The following CPEB4 variants were observed in gnomAD, a reference collection of about 807,000 sequenced individuals.
CPEB4 encodes the protein cytoplasmic polyadenylation element binding protein 4.
In CPEB4, 12 loss-of-function variants were observed where a neutral mutation model predicts 72.5. The ratio of observed to expected loss-of-function variants is 0.17; its 90% CI spans 0.11 to 0.27. The LOEUF (loss-of-function observed/expected upper bound fraction) is 0.27. CPEB4 is among the 10% of genes least tolerant of loss of function. CPEB4 has a pLI of 1.00. For synonymous variants in CPEB4, 302 were observed against 326.3 expected, an observed-to-expected ratio of 0.93 and a Z score of 0.80; for missense variants, 614 against 908.5, an observed-to-expected ratio of 0.68 and a Z score of 4.17.
chr5:173,939,419 T>C (rs1054934271), intron 3 of CPEB4, among the ~76,000 whole-genome samples: 5 of 152,220 alleles, frequency 3.3e-5, no homozygotes, highest in African/African-American at 1.2e-4. Context: ...GTGGGTACTT[T>C]GTTTCTTTTT....
chr5:173,937,112 G>A (rs112717429), intron 3 of CPEB4, among the ~76,000 whole-genome samples: 3 of 147,060 alleles, frequency 2.0e-5, no homozygotes, highest in African/African-American at 7.6e-5. Context: ...GCTCCATCTC[G>A]GCTCACTGTA....
intron 1 of CPEB4, among the ~76,000 whole-genome samples, chr5:173,909,772 G>A (rs753797249): frequency 6.6e-6 from 1 of 152,034 alleles, no homozygotes; most frequent in Non-Finnish European, 1.5e-5. Flanking sequence ...GGCTAGGCAG[G>A]TGGATCCTTT....
intron 2 of CPEB4, among the ~76,000 whole-genome samples, chr5:173,912,614 T>C (rs1348098412): frequency 6.6e-6 from 1 of 150,622 alleles, no homozygotes; most frequent in Non-Finnish European, 1.5e-5. Context: ...CCTGTCTTTA[T>C]ATAATAAAAT....
Position 173,890,599 on chromosome 5 carries a change from A to G in CPEB4, c.866A>G (p.Gln289Arg). The G allele has an allele frequency of 6.2e-7, 1 of 1,614,092 alleles. No homozygotes were observed. Among genetic ancestry groups the G allele is most frequent in the Non-Finnish European group, 8.5e-7 (1 of 1,179,984 alleles). Residue 289 changes from glutamine (Q) to arginine (R), a missense_variant, in exon 1 of 10, where the codon CAG becomes CGG. Around this residue, in one of 5 missense-constraint regions of CPEB4, gnomAD observed 458 missense variants for 548.6 expected, o/e 0.83. Coordinates refer to ENST00000265085, the MANE Select transcript of CPEB4 (RefSeq NM_030627.4). The stretch of plus-strand genomic sequence containing the variant: ...CCCCCCTCTCCGTGGAGCAGCTACC[A>G]GAGTCCGTCACCAACACCCTCCTCT... Reference protein sequence around the residue: ...NKPPSPWSSYQSPSPTPSSSW... With the variant: ...NKPPSPWSSYRSPSPTPSSSW...
chr5:173,945,467 T>C (rs943088145), intron 5 of CPEB4, among the ~76,000 whole-genome samples: 3 of 146,612 alleles, frequency 2.0e-5, no homozygotes, highest in Non-Finnish European at 3.1e-5. Context: ...GACAAATTCA[T>C]TGATGTATTT....
rs569350193 is a variant in CPEB4 at position 173,960,823 on chromosome 5, T to G, written c.*4686T>G. Reference sequence around the variant, plus strand: ...GACCTTAATGTCATAGGATACGGTGTGTGGGATTATAATCTCTATGGCATG... The same window carrying G: ...GACCTTAATGTCATAGGATACGGTGGGTGGGATTATAATCTCTATGGCATG... On this transcript the variant is annotated 3_prime_UTR_variant, in exon 10 of 10. Transcript: ENST00000265085. 7.9e-5 allele frequency: 12 copies of G among 152,318 alleles called. No homozygotes were observed. Among genetic ancestry groups the G allele is most frequent in the African/African-American group, 2.6e-4 (11 of 41,574 alleles). 9.4% of individuals were successfully genotyped at this position (152,318 alleles called of 1,614,324 possible). A position where few individuals can be genotyped will look rare whatever the true frequency, so the allele number is the denominator to read the frequency against.
chr5:173,907,578 T>C (rs1057212615), intron 1 of CPEB4, among the ~76,000 whole-genome samples: 4 of 152,134 alleles, frequency 2.6e-5, no homozygotes, highest in Non-Finnish European at 5.9e-5. Flanking sequence ...GGGGGAAATA[T>C]AAAGACAAAT....
At chr5:173,930,044 C>G (rs1488586646) in intron 2 of CPEB4, among the ~76,000 whole-genome samples, 10 of 151,706 alleles carry the variant, frequency 6.6e-5, no homozygotes, top group Non-Finnish European at 1.3e-4. Flanking sequence ...GTACTCTGTT[C>G]CCACCTCCCA....
chr5:173,954,467 G>A (rs780158007), intron 9 of CPEB4, among the ~76,000 whole-genome samples: 1 of 151,782 alleles, frequency 6.6e-6, no homozygotes, highest in Non-Finnish European at 1.5e-5. Flanking sequence ...CTGCCTCCCG[G>A]GTTCAAGTGA....
Position 173,955,353 on chromosome 5 carries a change from T to A in CPEB4, c.1963-557T>A, listed in dbSNP as rs1403340753. Among the ~76,000 whole-genome samples the A allele has an allele frequency of 6.6e-5, 10 of 151,708 alleles. No homozygotes were observed. Among genetic ancestry groups the A allele is most frequent in the Non-Finnish European group, 1.3e-4 (9 of 67,948 alleles). On this transcript the variant is annotated intron_variant, in intron 9 of 9. Coordinates refer to ENST00000265085, the MANE Select transcript of CPEB4 (RefSeq NM_030627.4). This position sits in a 1 kb window ranked among gnomAD's most constrained non-coding sequence, Gnocchi z 4.7. ...ATGGCTGCATCTTTTTTTTTTTTTT[T>A]AACAGAGTTCCAGGTTTGTGATTAT...
intron 2 of CPEB4, among the ~76,000 whole-genome samples, chr5:173,911,134 G>A: frequency 6.6e-6 from 1 of 152,072 alleles, no homozygotes; most frequent in Non-Finnish European, 1.5e-5. Context: ...CTGACAAGTT[G>A]TGTTATCTTG....
Position 173,958,933 on chromosome 5 carries a change from C to CTAATG in CPEB4, c.*2800_*2804dup, listed in dbSNP as rs1374443159. 1 of 152,642 alleles carries CTAATG rather than the reference C, an allele frequency of 6.6e-6. No individual in the cohort carries two copies. The highest frequency in any genetic ancestry group is 1.5e-5 in the Non-Finnish European group (1 of 68,004). 9.5% of individuals were successfully genotyped at this position (152,642 alleles called of 1,614,324 possible). A position where few individuals can be genotyped will look rare whatever the true frequency, so the allele number is the denominator to read the frequency against. ...AGGTGTGTAATGTTAGTGTGCATGA[C>CTAATG]TAATGTAAGAAATTGTTATTCTACT... On this transcript the variant is annotated 3_prime_UTR_variant, in exon 10 of 10. Coordinates refer to ENST00000265085, the MANE Select transcript of CPEB4 (RefSeq NM_030627.4).
At chr5:173,929,616 C>T (rs977146498) in intron 2 of CPEB4, among the ~76,000 whole-genome samples, 3 of 152,090 alleles carry the variant, frequency 2.0e-5, no homozygotes, top group South Asian at 2.1e-4. Flanking sequence ...GGTAGGATCA[C>T]TTAAGCCTGG....
At chr5:173,894,341 C>T (rs570609740) in intron 1 of CPEB4, among the ~76,000 whole-genome samples, 1 of 151,918 alleles carries the variant, frequency 6.6e-6, no homozygotes, top group Non-Finnish European at 1.5e-5. Flanking sequence ...TAACATGTGG[C>T]GGGGTGCGGT....
chr5:173,912,823 TC>T, intron 2 of CPEB4, among the ~76,000 whole-genome samples: 1 of 148,814 alleles, frequency 6.7e-6, no homozygotes, highest in East Asian at 2.0e-4. Flanking sequence ...ACACCTATGT[TC>T]CCAGTTACAT....
chr5:173,949,884 G>T, intron 6 of CPEB4, 76 bp from the exon 7 acceptor site: 1 of 976,694 alleles, frequency 1.0e-6, no homozygotes, highest in Non-Finnish European at 1.6e-6. Flanking sequence ...CTTTAGTTTT[G>T]TGCATGATTC....
In CPEB4 at chr5:173,949,378, C is replaced by G. The variant is rs989219953; in HGVS notation, c.1457-130C>G. On this transcript the variant is annotated intron_variant, in intron 5 of 9. Coordinates refer to ENST00000265085, the MANE Select transcript of CPEB4 (RefSeq NM_030627.4). Reference sequence around the variant, plus strand: ...TGCAAATTATTAACAGTTGGGGAATCTAGATGAAGGGGATAAAGGAGTTCT... The same window carrying G: ...TGCAAATTATTAACAGTTGGGGAATGTAGATGAAGGGGATAAAGGAGTTCT... 11 of 612,326 alleles carry G rather than the reference C, an allele frequency of 1.8e-5. No individual in the cohort carries two copies. In the East Asian group the frequency reaches 3.2e-4, roughly 18 times the overall value. 37.9% of individuals were successfully genotyped at this position (612,326 alleles called of 1,614,324 possible).
chr5:173,905,044 GATTA>G (rs1756385501), intron 1 of CPEB4, among the ~76,000 whole-genome samples: 1 of 149,926 alleles, frequency 6.7e-6, no homozygotes, highest in Non-Finnish European at 1.5e-5. Flanking sequence ...AAGATTTGAG[GATTA>G]ATTAAGACAG....
chr5:173,935,246 T>C (rs939615007), intron 3 of CPEB4, among the ~76,000 whole-genome samples: 8 of 152,222 alleles, frequency 5.3e-5, no homozygotes, highest in Non-Finnish European at 4.4e-5. Flanking sequence ...TTGCAAAAAT[T>C]GTTGAAAGTT....
Sources: gnomAD v4.1 joint callset for allele counts (sites outside exome capture counted in the v4.1 genomes callset) on GRCh38, gnomAD v4.1.1 for gene constraint, gnomAD v4.1.1 regional missense constraint, Gnocchi (gnomAD v3.1) non-coding constraint, MANE v1.5 for transcripts, NCBI Gene and HGNC (gene_info 2026-07-23, HGNC 2026-07-21) for gene names.